Variants in PVT1 observed in about 807,000 individuals in gnomAD.
PVT1 encodes Pvt1 oncogene, also known as CXCR4/PVT1 fusion.
chr8:128,094,452 T>A (rs567709146), intron 5 of PVT1, among the ~76,000 whole-genome samples: 1 of 152,370 alleles, frequency 6.6e-6, no homozygotes, highest in East Asian at 1.9e-4. Context: ...ATTGTCTACA[T>A]AAGCTATAGT....
chr8:127,994,293 G>A (rs1218543075), intron 4 of PVT1, among the ~76,000 whole-genome samples: 1 of 152,104 alleles, frequency 6.6e-6, no homozygotes, highest in Non-Finnish European at 1.5e-5. Flanking sequence ...CTGGAAACAC[G>A]ATCTCTCCAA....
At chr8:128,021,163 C>A (rs1406593869) in intron 4 of PVT1, among the ~76,000 whole-genome samples, 1 of 152,080 alleles carries the variant, frequency 6.6e-6, no homozygotes, top group African/African-American at 2.4e-5. Context: ...CCATCGCTCC[C>A]TAGCTACAGA....
chr8:127,921,249 AC>A (rs1816053373), intron 3 of PVT1, among the ~76,000 whole-genome samples: 1 of 152,170 alleles, frequency 6.6e-6, no homozygotes, highest in African/African-American at 2.4e-5. Context: ...ATTGGGGAGC[AC>A]TAGCAGAATC....
intron 3 of PVT1, among the ~76,000 whole-genome samples, chr8:127,916,686 G>A (rs191180494): frequency 3.3e-5 from 5 of 152,338 alleles, no homozygotes; most frequent in East Asian, 1.9e-4. Flanking sequence ...CTGGTGAGGC[G>A]TGTGATCCAG....
intron 3 of PVT1, among the ~76,000 whole-genome samples, chr8:127,937,248 GTTTTTCTTTTCT>G (rs6150806): frequency 0.28 from 42,975 of 150,944 alleles, 6,644 homozygotes; most frequent in East Asian, 0.5. Context: ...CTAATTCATT[GTTTTTCTTTTCT>G]TTTTTCTTTT....
intron 2 of PVT1, among the ~76,000 whole-genome samples, chr8:127,857,101 C>T (rs1243142297): frequency 6.6e-6 from 1 of 152,162 alleles, no homozygotes; most frequent in Non-Finnish European, 1.5e-5. Context: ...TGGCAGGCAC[C>T]TGTAATCCCA....
intron 2 of PVT1, among the ~76,000 whole-genome samples, chr8:127,880,301 T>G (rs111769021): frequency 0.011 from 1,732 of 152,226 alleles, 36 homozygotes; most frequent in African/African-American, 0.039. Flanking sequence ...ACAATTCCTT[T>G]TTTCTTTGAG....
chr8:128,100,142 CCTTCCTTCCTT>C (rs1563686910), intron 6 of PVT1, among the ~76,000 whole-genome samples: 2 of 71,580 alleles, frequency 2.8e-5, no homozygotes, highest in South Asian at 5.1e-4. Flanking sequence ...TCCCTCCCTT[CCTTCCTTCCTT>C]CCTTCCTTCT....
At chr8:127,835,902 A>G (rs1814904079) in intron 2 of PVT1, among the ~76,000 whole-genome samples, 1 of 152,186 alleles carries the variant, frequency 6.6e-6, no homozygotes, top group South Asian at 2.1e-4. Context: ...AGCCTCATCA[A>G]GTGGTCCCTC....
chr8:127,955,926 G>A lies in PVT1; in HGVS notation n.783-33236G>A, dbSNP rs184449952. ...CTGCAAATAAAAAGCCAAGCTCCAA[G>A]AGGCTTAGTAATTTGCCCAAGATGC... is the stretch of plus-strand genomic sequence containing the variant. On this transcript the variant is annotated intron_variant and non_coding_transcript_variant, in intron 3 of 10. Transcript: ENST00000651587. 7.9e-4 allele frequency among the ~76,000 whole-genome samples: 121 copies of A among 152,346 alleles called. 1 individual carries two copies. The highest frequency in any genetic ancestry group is 2.8e-3 in the African/African-American group (117 of 41,580).
At chr8:128,004,677 C>T (rs532316449) in intron 4 of PVT1, among the ~76,000 whole-genome samples, 5 of 152,294 alleles carry the variant, frequency 3.3e-5, no homozygotes, top group African/African-American at 9.6e-5. Context: ...CTCCAGATAC[C>T]ACTGAAGTAG....
chr8:128,059,582 T>A (rs1164133848), intron 4 of PVT1, among the ~76,000 whole-genome samples: 2 of 152,180 alleles, frequency 1.3e-5, no homozygotes, highest in Non-Finnish European at 2.9e-5. Flanking sequence ...TCTTAACATA[T>A]CTCCTATGGC....
intron 3 of PVT1, among the ~76,000 whole-genome samples, chr8:127,953,546 A>C (rs988639088): frequency 1.3e-5 from 2 of 152,258 alleles, no homozygotes; most frequent in African/African-American, 4.8e-5. Flanking sequence ...ATCAGAAACC[A>C]TTCTAAAGTT....
intron 3 of PVT1, among the ~76,000 whole-genome samples, chr8:127,937,578 CACAGAG>C (rs1424514280): frequency 9.2e-4 from 110 of 119,336 alleles, no homozygotes; most frequent in African/African-American, 2.3e-3. Flanking sequence ...CACACACACA[CACAGAG>C]AGAGAGAGAG....
In PVT1 at chr8:127,886,746, C is replaced by A. The variant is rs553499552; in HGVS notation, n.373-3843C>A. Reference sequence around the variant, plus strand: ...ATAGTTATAATAGCTGCTTAAAAAACCCTTGTCTGCTAATTCCAGAAACTG... The same window carrying A: ...ATAGTTATAATAGCTGCTTAAAAAAACCTTGTCTGCTAATTCCAGAAACTG... On this transcript the variant is annotated intron_variant and non_coding_transcript_variant, in intron 2 of 10. Transcript: ENST00000651587. Among the ~76,000 whole-genome samples, 5 of 152,234 alleles carry A rather than the reference C, an allele frequency of 3.3e-5. No individual in the cohort carries two copies. In the East Asian group the frequency reaches 9.6e-4, roughly 29 times the overall value.
intron 3 of PVT1, among the ~76,000 whole-genome samples, chr8:127,980,120 G>A (rs12334652): frequency 0.13 from 20,337 of 152,076 alleles, 1,638 homozygotes; most frequent in Non-Finnish European, 0.18. Context: ...GGCATTAAGC[G>A]ATCTTCCTGC....
intron 2 of PVT1, among the ~76,000 whole-genome samples, chr8:127,870,406 G>C (rs1033226585): frequency 2.0e-5 from 3 of 152,188 alleles, no homozygotes; most frequent in Admixed American, 2.0e-4. Flanking sequence ...TGGACATCTA[G>C]TCCCCAGAAC....
intron 4 of PVT1, among the ~76,000 whole-genome samples, chr8:128,033,490 G>C (rs909746269): frequency 1.3e-5 from 2 of 152,190 alleles, no homozygotes; most frequent in African/African-American, 4.8e-5. Flanking sequence ...GGTTGCTATC[G>C]CCACAGGCTT....
At chr8:128,069,487 T>C (rs1288150766) in intron 4 of PVT1, among the ~76,000 whole-genome samples, 1 of 152,188 alleles carries the variant, frequency 6.6e-6, no homozygotes, top group African/African-American at 2.4e-5. Flanking sequence ...GAGGTGCTCC[T>C]GGGTTTCATG....
Sources: allele counts gnomAD v4.1 joint callset (sites outside exome capture counted in the v4.1 genomes callset), GRCh38; gene constraint gnomAD v4.1.1; transcripts MANE v1.5; gene names NCBI Gene and HGNC (gene_info 2026-07-23, HGNC 2026-07-21).